The following WLS variants were observed in gnomAD, a reference collection of about 807,000 sequenced individuals.
WLS encodes the protein protein wntless homolog.
A neutral mutation model predicts 62.8 loss-of-function variants in WLS; 23 were observed. That is an observed-to-expected ratio of 0.37 (90% CI 0.26 to 0.52). WLS has a LOEUF of 0.52. Among genes scored for constraint, WLS ranks in the 20% least tolerant of loss-of-function variants. The pLI is 0.92. For synonymous variants in WLS, 246 were observed against 244.1 expected (o/e 1.01, Z -0.07); for missense variants, 615 against 697.3 (o/e 0.88, Z 1.33).
intron 1 of WLS, among the ~76,000 whole-genome samples, chr1:68,198,923 C>T (rs1160760209): frequency 7.2e-5 from 11 of 152,176 alleles, no homozygotes; most frequent in African/African-American, 1.2e-4. Context: ...TGACTCCAGT[C>T]AGCTTCCTGT....
chr1:68,137,118 T>C (rs1570867140), intron 11 of WLS, among the ~76,000 whole-genome samples: 2 of 152,312 alleles, frequency 1.3e-5, no homozygotes, highest in East Asian at 3.9e-4. Flanking sequence ...CTGTGGCTAG[T>C]GAAGAAACCC....
chr1:68,177,259 C>T (rs945105571), intron 2 of WLS, among the ~76,000 whole-genome samples: 4 of 152,178 alleles, frequency 2.6e-5, no homozygotes, highest in African/African-American at 9.7e-5. Flanking sequence ...CCTCTGAATT[C>T]CATGGGTGAG....
downstream of WLS, among the ~76,000 whole-genome samples, chr1:68,125,117 C>T (rs187298800): frequency 2.3e-3 from 343 of 152,284 alleles, 5 homozygotes; most frequent in African/African-American, 7.8e-3. Context: ...GGGCAGAGGA[C>T]GGCTCTGCTT....
chr1:68,172,101 G>A (rs1647162474), intron 2 of WLS, among the ~76,000 whole-genome samples: 1 of 151,594 alleles, frequency 6.6e-6, no homozygotes, highest in South Asian at 2.1e-4. Flanking sequence ...CTCATAAGTG[G>A]GAGTTGAACA....
chr1:68,148,415 G>C, intron 7 of WLS, 148 bp downstream of exon 7: 2 of 924,832 alleles, frequency 2.2e-6, no homozygotes, highest in Non-Finnish European at 3.3e-6. Context: ...TTTGATCCCA[G>C]ACCTTGTCTG....
intron 1 of WLS, among the ~76,000 whole-genome samples, chr1:68,203,357 G>C (rs1649129036): frequency 6.6e-6 from 1 of 152,158 alleles, no homozygotes; most frequent in Non-Finnish European, 1.5e-5. Context: ...AGCACTCTCA[G>C]ATTACCTGAG....
At chr1:68,147,485 C>G (rs1646768365) in intron 8 of WLS, among the ~76,000 whole-genome samples, 1 of 152,308 alleles carries the variant, frequency 6.6e-6, no homozygotes, top group South Asian at 2.1e-4. Flanking sequence ...AAGCCTTTCT[C>G]TCCACTCCAG....
At chr1:68,156,285 G>T (rs575934691) in intron 3 of WLS, among the ~76,000 whole-genome samples, 32 of 152,292 alleles carry the variant, frequency 2.1e-4, no homozygotes, top group African/African-American at 7.7e-4. Context: ...TGATAGGGGA[G>T]ATCTAATTTG....
intron 10 of WLS, chr1:68,138,284 T>C: frequency 4.5e-6 from 1 of 220,870 alleles, no homozygotes; most frequent in Non-Finnish European, 9.0e-6. Flanking sequence ...TCCTCTGCTG[T>C]CTGTCTTCCC....
chr1:68,164,098 A>G (rs1335030833), intron 2 of WLS, among the ~76,000 whole-genome samples: 1 of 152,182 alleles, frequency 6.6e-6, no homozygotes, highest in Non-Finnish European at 1.5e-5. Flanking sequence ...CCACTATTCT[A>G]TTATTCCTAT....
At chr1:68,196,581 T>A (rs1648671509) in intron 1 of WLS, among the ~76,000 whole-genome samples, 1 of 152,154 alleles carries the variant, frequency 6.6e-6, no homozygotes, top group African/African-American at 2.4e-5. Flanking sequence ...ATCCACATTA[T>A]TTTTCTATTC....
chr1:68,186,643 T>C (rs574287747), intron 2 of WLS: 15 of 456,290 alleles, frequency 3.3e-5, no homozygotes, highest in African/African-American at 3.0e-4. Context: ...TGAAGTCCTG[T>C]TCATTGCTGT....
At chr1:68,138,178 C>T in intron 10 of WLS, 1 of 475,428 alleles carries the variant, frequency 2.1e-6, no homozygotes, top group Non-Finnish European at 3.7e-6. Flanking sequence ...TTAGTATCAC[C>T]TGGGGAGTGT....
At chr1:68,098,761 A>G (rs1238680943) in intron 11 of WLS, 1 of 1,613,422 alleles carries the variant, frequency 6.2e-7, no homozygotes, top group African/African-American at 1.3e-5. Context: ...TTCCTGGAAA[A>G]TTCAGTATAT....
chr1:68,116,066 C>T (rs1487598680), intron 11 of WLS, among the ~76,000 whole-genome samples: 1 of 152,232 alleles, frequency 6.6e-6, no homozygotes, highest in East Asian at 1.9e-4. Context: ...CTCACCCTAA[C>T]AGGGAAGTCC....
chr1:68,141,197 A>G (rs1174173608), intron 10 of WLS, among the ~76,000 whole-genome samples: 1 of 152,178 alleles, frequency 6.6e-6, no homozygotes, highest in Non-Finnish European at 1.5e-5. Flanking sequence ...AATCCCAGAC[A>G]CAGGCTCTCT....
At chr1:68,124,973 C>T (rs916998588), downstream of WLS, among the ~76,000 whole-genome samples, 17 of 152,118 alleles carry the variant, frequency 1.1e-4, no homozygotes, top group Non-Finnish European at 1.8e-4. Flanking sequence ...TAAAGTTTAT[C>T]GATATAAGTG....
At chr1:68,232,134 A>G in intron 1 of WLS, 60 bp downstream of exon 1, 1 of 1,608,550 alleles carries the variant, frequency 6.2e-7, no homozygotes, top group Non-Finnish European at 8.5e-7. Context: ...CCAAGAGGCA[A>G]AGAGGGAAGG....
intron 10 of WLS, among the ~76,000 whole-genome samples, chr1:68,143,416 G>A (rs913702615): frequency 1.3e-5 from 2 of 152,182 alleles, no homozygotes; most frequent in African/African-American, 4.8e-5. Context: ...TGCTTACAAT[G>A]TGCCAGGTGC....
Sources: gnomAD v4.1 joint callset for allele counts (sites outside exome capture counted in the v4.1 genomes callset) on GRCh38, gnomAD v4.1.1 for gene constraint, MANE v1.5 for transcripts, NCBI Gene and HGNC (gene_info 2026-07-23, HGNC 2026-07-21) for gene names.